The following FAM228B variants were observed in gnomAD, a reference collection of about 807,000 sequenced individuals.
FAM228B encodes family with sequence similarity 228 member B.
FAM228B carries 38 observed loss-of-function variants against 42.6 expected under a neutral mutation model. The observed-to-expected ratio is 0.89, with a 90% CI of 0.69 to 1.17. FAM228B has a LOEUF of 1.17. Among genes scored for constraint, FAM228B ranks in the 50% most tolerant of loss-of-function variants. The pLI, the probability that FAM228B is intolerant of heterozygous loss-of-function variation, is 0.00. For missense variants in FAM228B, 344 were observed against 367.3 expected (o/e 0.94, Z 0.52); for synonymous variants, 109 against 122.3 (o/e 0.89, Z 0.72).
At chr2:24,105,597 G>C (rs552675993) in intron 3 of FAM228B, among the ~76,000 whole-genome samples, 2 of 152,248 alleles carry the variant, frequency 1.3e-5, no homozygotes, top group South Asian at 4.1e-4. Context: ...CCCCAGCAAG[G>C]GTTCTTAACT....
Position 24,077,310 on chromosome 2 carries a change from T to C in FAM228B, c.-290+341T>C. The C allele has an allele frequency of 3.0e-6, 1 of 329,388 alleles. No homozygotes were observed. The highest frequency in any genetic ancestry group is 5.7e-6 in the Non-Finnish European group (1 of 176,336). 20.4% of individuals were successfully genotyped at this position (329,388 alleles called of 1,614,324 possible). On this transcript the variant is annotated intron_variant, in intron 1 of 10. Coordinates refer to the FAM228B transcript ENST00000613899. This position sits in a 1 kb window ranked among gnomAD's most constrained non-coding sequence, Gnocchi z 5.5. ...TGACGCTGTAACTATACCCAGAATC[T>C]CCGTCCCTGGAGGGGCCCTCAGGTT... is the stretch of plus-strand genomic sequence containing the variant.
chr2:24,082,985 G>A lies in FAM228B; in HGVS notation c.-210+2030G>A, dbSNP rs149172944. Reference sequence around the variant, plus strand: ...CTGGGATAGGCATGAGGAGCCCTTCGGGGACAGTGACGTACTGAGCCTGGC... The same window carrying A: ...CTGGGATAGGCATGAGGAGCCCTTCAGGGACAGTGACGTACTGAGCCTGGC... On this transcript the variant is annotated intron_variant, in intron 2 of 10. Transcript: ENST00000613899. 703 of 1,614,176 alleles carry A rather than the reference G, an allele frequency of 4.4e-4. No homozygotes were observed. In the African/African-American group the frequency reaches 8.4e-3, roughly 19 times the overall value.
Position 24,084,454 on chromosome 2 carries a change from G to T in FAM228B, c.-210+3499G>T. 8.2e-7 allele frequency: 1 copy of T among 1,220,424 alleles called. No homozygotes were observed. The highest frequency in any genetic ancestry group is 1.8e-5 in the South Asian group (1 of 55,606). The allele number at this position is 1,220,424 out of a possible 1,614,324, so 75.6% of individuals were successfully genotyped here. ...ATCCTCGCGGAGCAGCCCAGCCTCAGGCTGGCACCGCAGCGCCCCCTGCCG... is the reference window on the plus strand; with the variant it reads ...ATCCTCGCGGAGCAGCCCAGCCTCATGCTGGCACCGCAGCGCCCCCTGCCG... On this transcript the variant is annotated intron_variant, in intron 2 of 10. Transcript: ENST00000613899. The surrounding 1 kb of genome is among the most constrained non-coding windows in gnomAD (Gnocchi z 8.4).
At chr2:24,098,562 C>G (rs1200920555) in intron 3 of FAM228B, among the ~76,000 whole-genome samples, 1 of 152,146 alleles carries the variant, frequency 6.6e-6, no homozygotes, top group African/African-American at 2.4e-5. Flanking sequence ...GAAACATACA[C>G]CCACCCAAGA....
At chr2:24,141,300 G>A (rs1027903128) in intron 5 of FAM228B, among the ~76,000 whole-genome samples, 1 of 152,128 alleles carries the variant, frequency 6.6e-6, no homozygotes, top group African/African-American at 2.4e-5. Context: ...TTGGAGTGCA[G>A]TGGCGTGATC....
intron 3 of FAM228B, among the ~76,000 whole-genome samples, chr2:24,136,813 C>T (rs1167193558): frequency 1.3e-5 from 2 of 151,970 alleles, no homozygotes; most frequent in African/African-American, 2.4e-5. Flanking sequence ...TTAAGTGTAC[C>T]ATTCGGTGTC....
intron 3 of FAM228B, among the ~76,000 whole-genome samples, chr2:24,113,658 C>A (rs1310489497): frequency 6.6e-6 from 1 of 152,122 alleles, no homozygotes; most frequent in African/African-American, 2.4e-5. Context: ...GGGTGGATCA[C>A]CTGAGGTCAG....
intron 2 of FAM228B, among the ~76,000 whole-genome samples, chr2:24,129,083 C>T (rs538881577): frequency 6.6e-6 from 1 of 152,062 alleles, no homozygotes; most frequent in African/African-American, 2.4e-5. Context: ...GGGACCTCTG[C>T]GGTTGACCCT....
chr2:24,165,421 CCT>C (rs749429472), intron 9 of FAM228B: 6 of 471,172 alleles, frequency 1.3e-5, no homozygotes, highest in African/African-American at 8.0e-5. Context: ...AGTACCAGCC[CCT>C]GTCTGCTCTG....
At chr2:24,121,553 T>C (rs1666119320), upstream of FAM228B, among the ~76,000 whole-genome samples, 1 of 152,226 alleles carries the variant, frequency 6.6e-6, no homozygotes, top group African/African-American at 2.4e-5. Context: ...TATGGCTGTT[T>C]TTCCTCTACA....
At chr2:24,122,355 AT>A, upstream of FAM228B, 2 of 1,239,044 alleles carry the variant, frequency 1.6e-6, no homozygotes, top group South Asian at 1.3e-5. Context: ...TGTCTGCTTC[AT>A]TTTTTGGAAG....
At chr2:24,144,633 C>T (rs533872513) in intron 5 of FAM228B, among the ~76,000 whole-genome samples, 26 of 152,238 alleles carry the variant, frequency 1.7e-4, no homozygotes, top group Non-Finnish European at 2.2e-4. Flanking sequence ...GGGGGCTGCC[C>T]GGAGATGGAG....
At chr2:24,152,082 T>A (rs1160333841) in intron 7 of FAM228B, among the ~76,000 whole-genome samples, 2 of 152,140 alleles carry the variant, frequency 1.3e-5, no homozygotes, top group African/African-American at 4.8e-5. Context: ...TTGGCCAGGC[T>A]GGTCTCAATC....
intron 7 of FAM228B, among the ~76,000 whole-genome samples, chr2:24,157,964 T>TA (rs559065903): frequency 3.9e-4 from 60 of 152,234 alleles, no homozygotes; most frequent in Admixed American, 3.8e-3. Flanking sequence ...CACTTTCCCT[T>TA]ATGTTACATG....
chr2:24,094,182 C>T (rs1665451133), intron 2 of FAM228B, among the ~76,000 whole-genome samples: 1 of 151,720 alleles, frequency 6.6e-6, no homozygotes, highest in Non-Finnish European at 1.5e-5. Flanking sequence ...TGGGCCTTGG[C>T]CTCCCGAGTA....
In FAM228B at chr2:24,084,273, C is replaced by T. The variant is rs751570459; in HGVS notation, c.-210+3318C>T. 4 of 1,614,192 alleles carry T rather than the reference C, an allele frequency of 2.5e-6. No individual in the cohort carries two copies. The South Asian group carries it at 3.3e-5, about 13-fold the overall frequency. ...CCCCCGGGCTCGGCTTGGCCACCTCCTTCACGTAGAGGTTTTCCGGTCCTC... is the reference window on the plus strand; with the variant it reads ...CCCCCGGGCTCGGCTTGGCCACCTCTTTCACGTAGAGGTTTTCCGGTCCTC... On this transcript the variant is annotated intron_variant, in intron 2 of 10. Transcript: ENST00000613899. This position sits in a 1 kb window ranked among gnomAD's most constrained non-coding sequence, Gnocchi z 8.4.
rs146149158 is a variant in FAM228B at position 24,114,394 on chromosome 2, C to T, written c.-121+19165C>T. 1.5e-3 allele frequency among the ~76,000 whole-genome samples: 225 copies of T among 152,208 alleles called. 1 individual carries two copies. Among genetic ancestry groups the T allele is most frequent in the African/African-American group, 5.3e-3 (219 of 41,524 alleles). ...GCCATGTCTATACTTTTTCTCCAAT[C>T]GTGCCCTACTTGCTTCCAGACATCT... On this transcript the variant is annotated intron_variant, in intron 3 of 10. Transcript: ENST00000613899.
chr2:24,120,283 C>CAACAACAA (rs1558378508), upstream of FAM228B, among the ~76,000 whole-genome samples: 5 of 150,848 alleles, frequency 3.3e-5, no homozygotes, highest in African/African-American at 4.9e-5. Context: ...AAAAAAACAA[C>CAACAACAA]AACAAAACAA....
At chr2:24,094,693 A>G (rs1221197838) in intron 2 of FAM228B, among the ~76,000 whole-genome samples, 1 of 152,120 alleles carries the variant, frequency 6.6e-6, no homozygotes, top group African/African-American at 2.4e-5. Flanking sequence ...ATGTTGCCTC[A>G]GCTGGTCTTG....
Sources: gnomAD v4.1 joint callset for allele counts (sites outside exome capture counted in the v4.1 genomes callset) on GRCh38, gnomAD v4.1.1 for gene constraint, Gnocchi (gnomAD v3.1) non-coding constraint, MANE v1.5 for transcripts, NCBI Gene and HGNC (gene_info 2026-07-23, HGNC 2026-07-21) for gene names.